The following CSMD1 variants were observed in gnomAD, a reference collection of about 807,000 sequenced individuals.
CSMD1 encodes CUB and Sushi multiple domains 1, also known as CUB and sushi domain-containing protein 1.
CSMD1 carries 213 observed loss-of-function variants against 417.5 expected under a neutral mutation model. The ratio of observed to expected loss-of-function variants is 0.51; its 90% CI spans 0.46 to 0.57. The LOEUF is 0.57. Ranked by LOEUF, CSMD1 falls within the 20% of genes least tolerant of loss-of-function variation. The pLI is 0.00. For synonymous variants in CSMD1, 2,862 were observed against 1,736.8 expected, an observed-to-expected ratio of 1.65 and a Z score of -16.11; for missense variants, 6,923 against 4,529.7, an observed-to-expected ratio of 1.53 and a Z score of -15.17.
At chr8:3,518,984 A>ATC (rs1797393596) in intron 10 of CSMD1, among the ~76,000 whole-genome samples, 1 of 152,208 alleles carries the variant, frequency 6.6e-6, no homozygotes, top group Non-Finnish European at 1.5e-5. Flanking sequence ...TTTTAAACTG[A>ATC]AATATAAATG....
chr8:3,551,593 TA>T (rs1554466472), intron 10 of CSMD1, among the ~76,000 whole-genome samples: 17,289 of 109,110 alleles, frequency 0.16, 1,308 homozygotes, highest in East Asian at 0.29. Context: ...TATATATATA[TA>T]TATTTTTTTT....
intron 21 of CSMD1, among the ~76,000 whole-genome samples, chr8:3,351,158 T>C (rs1808396252): frequency 6.6e-6 from 1 of 152,212 alleles, no homozygotes; most frequent in Non-Finnish European, 1.5e-5. Flanking sequence ...TAATAGCTCA[T>C]TTATTCAATA....
intron 5 of CSMD1, among the ~76,000 whole-genome samples, chr8:3,858,124 T>A (rs995770918): frequency 1.3e-5 from 2 of 152,222 alleles, no homozygotes; most frequent in Admixed American, 1.3e-4. Flanking sequence ...ATCACTTCGA[T>A]CTTAGCTATC....
At chr8:3,477,722 T>C (rs13258919) in intron 11 of CSMD1, among the ~76,000 whole-genome samples, 96,220 of 151,938 alleles carry the variant, frequency 0.63, 31,250 homozygotes, top group Middle Eastern at 0.76. Flanking sequence ...GAAGGCCATA[T>C]TTGCACTCTT....
rs974090064 is a variant in CSMD1, at chr8:3,856,977, T to G, written c.819-102935A>C. On this transcript the variant is annotated intron_variant, in intron 5 of 69. Transcript: ENST00000635120. ...CAAAGAATCAAGTAGAATTTGGAAT[T>G]TTTTTTATTTGCACAGAGAAATTTT... Among the ~76,000 whole-genome samples the G allele has an allele frequency of 4.6e-5, 7 of 152,134 alleles. No individual in the cohort carries two copies. The South Asian group carries it at 1.0e-3, about 23-fold the overall frequency.
intron 25 of CSMD1, among the ~76,000 whole-genome samples, chr8:3,293,806 C>A (rs975735185): frequency 6.6e-6 from 1 of 152,190 alleles, no homozygotes; most frequent in Non-Finnish European, 1.5e-5. Context: ...GTTTGATCAT[C>A]TGAAGCCTTC....
At chr8:3,281,381 C>T (rs1209256430) in intron 26 of CSMD1, among the ~76,000 whole-genome samples, 2 of 152,024 alleles carry the variant, frequency 1.3e-5, no homozygotes, top group African/African-American at 2.4e-5. Flanking sequence ...GAGGCAGAGG[C>T]TCCAGTGAGC....
At chr8:3,931,084 C>T (rs1455978722) in intron 5 of CSMD1, among the ~76,000 whole-genome samples, 1 of 150,556 alleles carries the variant, frequency 6.6e-6, no homozygotes, top group Non-Finnish European at 1.5e-5. Context: ...AATGTGACAT[C>T]TTTCTTTACA....
intron 41 of CSMD1, among the ~76,000 whole-genome samples, chr8:3,119,060 G>T (rs1817034082): frequency 6.6e-6 from 1 of 151,988 alleles, no homozygotes; most frequent in African/African-American, 2.4e-5. Flanking sequence ...GGCGCCTGTA[G>T]TCCCAGCTAC....
At chr8:4,502,170 ACAGTAAT>A (rs1802290999) in intron 2 of CSMD1, among the ~76,000 whole-genome samples, 1 of 152,152 alleles carries the variant, frequency 6.6e-6, no homozygotes, top group Non-Finnish European at 1.5e-5. Flanking sequence ...TACTCCTAAA[ACAGTAAT>A]CATTCTTATG....
chr8:3,258,200 C>T (rs1055305421), intron 26 of CSMD1, among the ~76,000 whole-genome samples: 6 of 152,200 alleles, frequency 3.9e-5, no homozygotes, highest in Non-Finnish European at 8.8e-5. Flanking sequence ...AAATATGCAT[C>T]TGAAAAATGT....
chr8:4,060,929 C>A (rs2911719), intron 3 of CSMD1, among the ~76,000 whole-genome samples: 142,293 of 152,256 alleles, frequency 0.93, 66,547 homozygotes, highest in East Asian at 0.99. Flanking sequence ...GTAGAAGAAA[C>A]CAACATAGAA....
intron 2 of CSMD1, among the ~76,000 whole-genome samples, chr8:4,532,928 C>G (rs902390010): frequency 6.6e-6 from 1 of 152,064 alleles, no homozygotes; most frequent in African/African-American, 2.4e-5. Flanking sequence ...AAATCTTGCA[C>G]CTGCATTCAC....
At position 3,499,593 on chromosome 8, in the gene CSMD1, T is replaced by A. The variant is rs870510; in HGVS notation, c.1345-5867A>T. Among the ~76,000 whole-genome samples, 153 of 151,798 alleles carry A rather than the reference T, an allele frequency of 1.0e-3. No homozygotes were observed. The South Asian group carries it at 0.016, about 16-fold the overall frequency. ...ATATCCAGGGTGCTTGTTGGTAGTGTGCCTCAAGAATTCAGCTCTCAGGGT... is the reference window on the plus strand; with the variant it reads ...ATATCCAGGGTGCTTGTTGGTAGTGAGCCTCAAGAATTCAGCTCTCAGGGT... On this transcript the variant is annotated intron_variant, in intron 10 of 69. Coordinates refer to ENST00000635120, the MANE Select transcript of CSMD1 (RefSeq NM_033225.6).
intron 41 of CSMD1, chr8:3,128,279 T>C (rs994100424): frequency 6.6e-6 from 1 of 152,436 alleles, no homozygotes; most frequent in Non-Finnish European, 1.5e-5. Flanking sequence ...ATCTAGTTAG[T>C]TGATAAATAT....
intron 7 of CSMD1, among the ~76,000 whole-genome samples, chr8:3,691,813 G>C (rs897971823): frequency 6.6e-6 from 1 of 152,114 alleles, no homozygotes; most frequent in Non-Finnish European, 1.5e-5. Context: ...GGCAGTTTCA[G>C]TGATCTAAAA....
intron 7 of CSMD1, among the ~76,000 whole-genome samples, chr8:3,621,162 C>T (rs1190157375): frequency 1.3e-5 from 2 of 152,152 alleles, no homozygotes; most frequent in East Asian, 3.9e-4. Flanking sequence ...CTTCTACCCT[C>T]TAGAATTGTG....
At chr8:3,032,730 C>G (rs1372181111) in intron 50 of CSMD1, among the ~76,000 whole-genome samples, 1 of 152,014 alleles carries the variant, frequency 6.6e-6, no homozygotes, top group Non-Finnish European at 1.5e-5. Context: ...CACTCAACCC[C>G]CCCAACTCCC....
chr8:4,151,815 G>GT (rs1235740765), intron 3 of CSMD1, among the ~76,000 whole-genome samples: 9 of 152,090 alleles, frequency 5.9e-5, no homozygotes, highest in Admixed American at 1.3e-4. Flanking sequence ...ATTGTTCGAA[G>GT]TTTTTTTATA....
Sources: gnomAD v4.1 joint callset for allele counts (sites outside exome capture counted in the v4.1 genomes callset) on GRCh38, gnomAD v4.1.1 for gene constraint, MANE v1.5 for transcripts, NCBI Gene and HGNC (gene_info 2026-07-23, HGNC 2026-07-21) for gene names.